HCRTR2: variants seen among roughly 807,000 people sequenced by gnomAD.
The protein encoded by HCRTR2 is orexin receptor type 2.
Under a neutral mutation model 49.0 loss-of-function variants are expected in HCRTR2, and 22 were observed. The ratio of observed to expected loss-of-function variants is 0.45; its 90% confidence interval spans 0.32 to 0.64. The LOEUF (loss-of-function observed/expected upper bound fraction) is 0.64. HCRTR2 is among the 30% of genes least tolerant of loss of function. The pLI, the probability that HCRTR2 is intolerant of heterozygous loss-of-function variation, is 0.04. For synonymous variants in HCRTR2, 236 were observed against 205.3 expected (o/e 1.15, Z -1.28); for missense variants, 491 against 559.4 (o/e 0.88, Z 1.23).
chr6:55,116,715 G>GA (rs377096234), intron 1 of HCRTR2, among the ~76,000 whole-genome samples: 212 of 88,544 alleles, frequency 2.4e-3, no homozygotes, highest in African/African-American at 7.8e-3. Context: ...AAGAGAGAGA[G>GA]AAAAAAAAAA....
intron 1 of HCRTR2, among the ~76,000 whole-genome samples, chr6:55,166,410 T>G (rs1195363385): frequency 6.6e-6 from 1 of 152,098 alleles, no homozygotes; most frequent in Non-Finnish European, 1.5e-5. Context: ...TGTTAGTTTT[T>G]TTTTTTTATA....
chr6:55,165,397 A>G (rs988584970), intron 1 of HCRTR2, among the ~76,000 whole-genome samples: 10 of 152,102 alleles, frequency 6.6e-5, no homozygotes, highest in Non-Finnish European at 1.3e-4. Flanking sequence ...AAGTCCTTTC[A>G]ATAAAGGTGT....
Position 55,140,030 on chromosome 6 carries a change from A to G in HCRTR2, c.-378+33485A>G, listed in dbSNP as rs62416458. 2.1e-3 allele frequency among the ~76,000 whole-genome samples: 319 copies of G among 152,280 alleles called. 1 individual carries two copies. Among genetic ancestry groups the G allele is most frequent in the Non-Finnish European group, 3.3e-3 (225 of 68,014 alleles). On this transcript the variant is annotated intron_variant, in intron 1 of 7. Transcript: ENST00000615358. ...CATGGTGGTTTAGTAGACTATGACA[A>G]AGCTGCATCTCGGGATATGAACACA... is the stretch of plus-strand genomic sequence containing the variant.
intron 4 of HCRTR2, among the ~76,000 whole-genome samples, chr6:55,274,993 T>C (rs925363045): frequency 6.6e-6 from 1 of 152,208 alleles, no homozygotes; most frequent in Admixed American, 6.5e-5. Context: ...AGTTTGTAAG[T>C]ACAGAGTCAG....
chr6:55,200,235 T>TTG (rs34710192), intron 1 of HCRTR2, among the ~76,000 whole-genome samples: 6,965 of 135,258 alleles, frequency 0.051, 198 homozygotes, highest in African/African-American at 0.083. Flanking sequence ...GTTTGCTGTC[T>TTG]TGTGTGTGTG....
intron 1 of HCRTR2, among the ~76,000 whole-genome samples, chr6:55,132,850 A>T (rs1764378615): frequency 6.6e-6 from 1 of 151,322 alleles, no homozygotes; most frequent in Non-Finnish European, 1.5e-5. Context: ...GATCTTCATG[A>T]ATCATTCTTT....
chr6:55,255,076 T>G (rs1766623675), intron 2 of HCRTR2, 60 bp from the exon 3 acceptor site: 1 of 1,579,342 alleles, frequency 6.3e-7, no homozygotes, highest in Non-Finnish European at 8.6e-7. Context: ...GTAAATATAT[T>G]AAGAGTAATT....
intron 1 of HCRTR2, among the ~76,000 whole-genome samples, chr6:55,115,095 C>A (rs1764097527): frequency 6.6e-6 from 1 of 151,816 alleles, no homozygotes; most frequent in Admixed American, 6.6e-5. Flanking sequence ...TTAAGGTGTA[C>A]TACCTTAGCA....
intron 1 of HCRTR2, among the ~76,000 whole-genome samples, chr6:55,220,709 A>T (rs1325676591): frequency 6.6e-6 from 1 of 152,174 alleles, no homozygotes; most frequent in South Asian, 2.1e-4. Flanking sequence ...CTTTGCTAGA[A>T]CAATTATGCA....
At chr6:55,256,398 T>C (rs1766653693) in intron 3 of HCRTR2, among the ~76,000 whole-genome samples, 1 of 152,106 alleles carries the variant, frequency 6.6e-6, no homozygotes, top group Admixed American at 6.6e-5. Flanking sequence ...TTTCCTACCT[T>C]GGTGTTTGTA....
At chr6:55,257,580 G>A (rs1046227098) in intron 3 of HCRTR2, among the ~76,000 whole-genome samples, 1 of 147,446 alleles carries the variant, frequency 6.8e-6, no homozygotes, top group Non-Finnish European at 1.5e-5. Context: ...CAAAAAGATT[G>A]CAAAGTCATG....
intron 1 of HCRTR2, among the ~76,000 whole-genome samples, chr6:55,140,067 T>G (rs73743253): frequency 0.028 from 4,310 of 152,264 alleles, 157 homozygotes; most frequent in African/African-American, 0.078. Context: ...CCATGCATAG[T>G]GGATATTATT....
intron 1 of HCRTR2, among the ~76,000 whole-genome samples, chr6:55,241,745 T>C (rs2127306972): frequency 6.6e-6 from 1 of 152,082 alleles, no homozygotes; most frequent in African/African-American, 2.4e-5. Context: ...ATTTATAAAA[T>C]GAGTCATTAA....
chr6:55,282,543 A>C lies in HCRTR2; in HGVS notation c.*89A>C. On this transcript the variant is annotated 3_prime_UTR_variant, in exon 7 of 7. Coordinates refer to ENST00000370862, the MANE Select transcript of HCRTR2 (RefSeq NM_001384272.1). Reference sequence around the variant, plus strand: ...GAAATTTTATTATCCTATGATGTGAAGCTAAAATTACTTGTGGATCTTTTT... The same window carrying C: ...GAAATTTTATTATCCTATGATGTGACGCTAAAATTACTTGTGGATCTTTTT... 1 of 738,614 alleles carries C rather than the reference A, an allele frequency of 1.4e-6. No individual in the cohort carries two copies. The highest frequency in any genetic ancestry group is 1.8e-5 in the African/African-American group (1 of 56,708). 45.8% of individuals were successfully genotyped at this position (738,614 alleles called of 1,614,324 possible).
chr6:55,161,238 G>A (rs1193153596), intron 1 of HCRTR2, among the ~76,000 whole-genome samples: 3 of 152,078 alleles, frequency 2.0e-5, no homozygotes, highest in African/African-American at 7.2e-5. Flanking sequence ...TGACTACTGG[G>A]TAAATAATGA....
chr6:55,125,552 C>G (rs1764262080), intron 1 of HCRTR2, among the ~76,000 whole-genome samples: 1 of 152,136 alleles, frequency 6.6e-6, no homozygotes, highest in Admixed American at 6.5e-5. Context: ...AACATTTTTT[C>G]TTTCATTTCA....
At chr6:55,177,713 G>T (rs563918260) in intron 1 of HCRTR2, among the ~76,000 whole-genome samples, 2 of 152,182 alleles carry the variant, frequency 1.3e-5, no homozygotes, top group African/African-American at 4.8e-5. Context: ...TGATGTAATA[G>T]GATATGCTGT....
intron 1 of HCRTR2, among the ~76,000 whole-genome samples, chr6:55,154,263 C>T (rs1764700998): frequency 6.6e-6 from 1 of 152,026 alleles, no homozygotes; most frequent in East Asian, 1.9e-4. Flanking sequence ...TATTTTCAAA[C>T]TCATTTTATG....
chr6:55,230,315 C>T (rs561937130), intron 1 of HCRTR2, among the ~76,000 whole-genome samples: 1 of 152,246 alleles, frequency 6.6e-6, no homozygotes, highest in Admixed American at 6.5e-5. Flanking sequence ...CAGTTTTACA[C>T]TAATGCCTCT....
Sources: gnomAD v4.1 joint callset for allele counts (sites outside exome capture counted in the v4.1 genomes callset) on GRCh38, gnomAD v4.1.1 for gene constraint, MANE v1.5 for transcripts, NCBI Gene and HGNC (gene_info 2026-07-23, HGNC 2026-07-21) for gene names.